The following SLC6A11 variants were observed in gnomAD, a reference collection of about 807,000 sequenced individuals.
SLC6A11 encodes the protein sodium- and chloride-dependent GABA transporter 3.
In SLC6A11, 25 loss-of-function variants were observed where a neutral mutation model predicts 74.8. The ratio of observed to expected loss-of-function variants is 0.33; its 90% CI spans 0.24 to 0.47. The LOEUF is 0.47. Ranked by LOEUF, SLC6A11 falls within the 20% of genes least tolerant of loss-of-function variation. The pLI, the probability that SLC6A11 is intolerant of heterozygous loss-of-function variation, is 1.00. For missense variants in SLC6A11, 574 were observed against 837.0 expected (o/e 0.69, Z 3.88); for synonymous variants, 330 against 330.2 (o/e 1.00, Z 0.01).
intron 6 of SLC6A11, among the ~76,000 whole-genome samples, chr3:10,902,100 G>A (rs1200471195): frequency 6.6e-6 from 1 of 152,142 alleles, no homozygotes; most frequent in Non-Finnish European, 1.5e-5. Context: ...GTGTGTGTGT[G>A]TGTGTGGTAG....
chr3:10,869,249 G>A (rs1308291273), intron 5 of SLC6A11, among the ~76,000 whole-genome samples: 3 of 152,216 alleles, frequency 2.0e-5, no homozygotes, highest in Non-Finnish European at 4.4e-5. Context: ...AATGACAGGG[G>A]TGATGAATGT....
chr3:10,892,637 A>G (rs189338327), intron 6 of SLC6A11, among the ~76,000 whole-genome samples: 1 of 149,484 alleles, frequency 6.7e-6, no homozygotes, highest in East Asian at 2.0e-4. Flanking sequence ...AGCATGGACC[A>G]TGTGTTGCTG....
intron 6 of SLC6A11, among the ~76,000 whole-genome samples, chr3:10,880,260 G>C (rs1327511488): frequency 3.9e-5 from 6 of 152,168 alleles, no homozygotes; most frequent in Admixed American, 3.9e-4. Flanking sequence ...TGTCCTCTTA[G>C]CAAGTCCACA....
chr3:10,816,581 C>T lies in SLC6A11; in HGVS notation c.256+60C>T. On this transcript the variant is annotated intron_variant, in intron 1 of 13. Coordinates refer to ENST00000254488, the MANE Select transcript of SLC6A11 (RefSeq NM_014229.3). The surrounding 1 kb of genome is among the most constrained non-coding windows in gnomAD (Gnocchi z 4.2). ...CAACCGCCCGGTGGGGGCGGGGAGCCAGGGGCGAGCGCGAGACCCCCTCCC... is the reference window on the plus strand; with the variant it reads ...CAACCGCCCGGTGGGGGCGGGGAGCTAGGGGCGAGCGCGAGACCCCCTCCC... 2 of 1,464,186 alleles carry T rather than the reference C, an allele frequency of 1.4e-6. No homozygotes were observed. The highest frequency in any genetic ancestry group is 1.8e-6 in the Non-Finnish European group (2 of 1,099,468). 90.7% of individuals were successfully genotyped at this position (1,464,186 alleles called of 1,614,324 possible).
At chr3:10,839,910 C>T (rs1694415674) in intron 4 of SLC6A11, among the ~76,000 whole-genome samples, 1 of 152,186 alleles carries the variant, frequency 6.6e-6, no homozygotes, top group Non-Finnish European at 1.5e-5. Context: ...CTTCCTGCTG[C>T]TGGCTGCCCC....
At chr3:10,867,394 T>A (rs1279350164) in intron 5 of SLC6A11, among the ~76,000 whole-genome samples, 2 of 152,160 alleles carry the variant, frequency 1.3e-5, no homozygotes, top group Non-Finnish European at 2.9e-5. Context: ...CGGAGGAATT[T>A]TTGTCTGCAA....
chr3:10,844,153 C>A, intron 4 of SLC6A11, 61 bp from the exon 5 acceptor site: 1 of 1,605,180 alleles, frequency 6.2e-7, no homozygotes, highest in Non-Finnish European at 8.5e-7. Flanking sequence ...CTCTGCAGTA[C>A]TAGCTTTGCT....
chr3:10,831,812 A>G (rs548516203), intron 4 of SLC6A11, among the ~76,000 whole-genome samples: 4 of 152,362 alleles, frequency 2.6e-5, no homozygotes, highest in African/African-American at 4.8e-5. Flanking sequence ...GTAGGCAGAC[A>G]TTGTGAAGAA....
intron 4 of SLC6A11, among the ~76,000 whole-genome samples, chr3:10,828,158 T>G (rs1694241235): frequency 6.6e-6 from 1 of 152,208 alleles, no homozygotes; most frequent in Non-Finnish European, 1.5e-5. Context: ...AGATGGACAT[T>G]GATTCATCTT....
At chr3:10,925,291 C>T (rs1284464287) in intron 8 of SLC6A11, among the ~76,000 whole-genome samples, 1 of 152,236 alleles carries the variant, frequency 6.6e-6, no homozygotes, top group Non-Finnish European at 1.5e-5. Context: ...TGTGTCATCT[C>T]ACTGAATTCT....
intron 10 of SLC6A11, 94 bp from the exon 11 acceptor site, chr3:10,933,057 C>A: frequency 2.4e-6 from 2 of 831,464 alleles, no homozygotes; most frequent in Non-Finnish European, 4.2e-6. Flanking sequence ...AGCCACAGAG[C>A]AGAGAGAGGG....
intron 6 of SLC6A11, among the ~76,000 whole-genome samples, chr3:10,901,262 G>T (rs1304682347): frequency 2.6e-5 from 4 of 152,194 alleles, no homozygotes; most frequent in Non-Finnish European, 5.9e-5. Flanking sequence ...ATGGATTAAG[G>T]GGAGGCCAAC....
intron 5 of SLC6A11, among the ~76,000 whole-genome samples, chr3:10,850,707 C>T (rs1052372519): frequency 6.6e-5 from 10 of 152,098 alleles, no homozygotes; most frequent in Admixed American, 1.3e-4. Flanking sequence ...AGAAGGGAAG[C>T]GGCGGGGGTC....
intron 8 of SLC6A11, among the ~76,000 whole-genome samples, chr3:10,925,428 A>T (rs547427028): frequency 6.6e-6 from 1 of 152,334 alleles, no homozygotes; most frequent in East Asian, 1.9e-4. Context: ...CTAGCCTCTC[A>T]GGTATCTGTC....
At chr3:10,847,830 G>C (rs568802150) in intron 5 of SLC6A11, among the ~76,000 whole-genome samples, 1 of 152,120 alleles carries the variant, frequency 6.6e-6, no homozygotes, top group African/African-American at 2.4e-5. Context: ...TTGGAGTTCT[G>C]TACAAAAACA....
At chr3:10,821,792 G>C (rs1327153952) in intron 3 of SLC6A11, among the ~76,000 whole-genome samples, 5 of 148,894 alleles carry the variant, frequency 3.4e-5, no homozygotes, top group Non-Finnish European at 7.5e-5. Context: ...TGGTCAACTT[G>C]GGTGTCCAGT....
chr3:10,882,491 G>T (rs1014768263), intron 6 of SLC6A11, among the ~76,000 whole-genome samples: 2 of 152,126 alleles, frequency 1.3e-5, no homozygotes, highest in African/African-American at 4.8e-5. Context: ...TAGGATGTAC[G>T]CCCCATGCAG....
At chr3:10,916,863 C>T (rs1462467389) in intron 7 of SLC6A11, among the ~76,000 whole-genome samples, 2 of 152,188 alleles carry the variant, frequency 1.3e-5, no homozygotes, top group African/African-American at 4.8e-5. Flanking sequence ...AATTGGAACC[C>T]AAGGCTCTCG....
intron 6 of SLC6A11, among the ~76,000 whole-genome samples, chr3:10,894,062 G>A (rs760899546): frequency 7.9e-5 from 12 of 152,162 alleles, no homozygotes; most frequent in South Asian, 2.1e-4. Flanking sequence ...CCAGGAGGGC[G>A]TGTTGTGGTG....
Sources: allele counts gnomAD v4.1 joint callset (sites outside exome capture counted in the v4.1 genomes callset), GRCh38; gene constraint gnomAD v4.1.1; non-coding constraint Gnocchi (gnomAD v3.1); transcripts MANE v1.5; gene names NCBI Gene and HGNC (gene_info 2026-07-23, HGNC 2026-07-21).